Variants in PCDH9 observed in about 807,000 individuals in gnomAD.
PCDH9 encodes protocadherin 9, also known as protocadherin-9.
PCDH9 carries 24 observed loss-of-function variants against 70.6 expected under a neutral mutation model. That is an observed-to-expected ratio of 0.34 (90% confidence interval 0.25 to 0.48). The LOEUF is 0.48. Among genes scored for constraint, PCDH9 ranks in the 20% least tolerant of loss-of-function variants. The pLI, the probability that PCDH9 is intolerant of heterozygous loss-of-function variation, is 0.99. For missense variants in PCDH9, 1,281 were observed against 1,503.6 expected (o/e 0.85, Z 2.45); for synonymous variants, 562 against 558.5 (o/e 1.01, Z -0.09).
chr13:66,729,424 A>G (rs551147581), intron 3 of PCDH9, among the ~76,000 whole-genome samples: 1 of 152,146 alleles, frequency 6.6e-6, no homozygotes, highest in East Asian at 1.9e-4. Context: ...AAAAATTCAT[A>G]TATTTTGCTT....
intron 4 of PCDH9, among the ~76,000 whole-genome samples, chr13:66,597,366 C>A (rs566873601): frequency 6.6e-6 from 1 of 151,814 alleles, no homozygotes; most frequent in Non-Finnish European, 1.5e-5. Flanking sequence ...CAGGATGGTA[C>A]TGGCATAAAG....
chr13:66,587,291 C>T (rs2076975785), intron 4 of PCDH9, among the ~76,000 whole-genome samples: 1 of 151,866 alleles, frequency 6.6e-6, no homozygotes, highest in Non-Finnish European at 1.5e-5. Context: ...GAGTGAGACC[C>T]TGTCTCAAAC....
At chr13:66,503,008 A>G (rs1289752733) in intron 4 of PCDH9, among the ~76,000 whole-genome samples, 1 of 152,184 alleles carries the variant, frequency 6.6e-6, no homozygotes, top group African/African-American at 2.4e-5. Flanking sequence ...ATTCTTTGTA[A>G]AATACACCTT....
At chr13:66,432,972 A>G (rs1459077048) in intron 4 of PCDH9, among the ~76,000 whole-genome samples, 1 of 151,954 alleles carries the variant, frequency 6.6e-6, no homozygotes, top group Non-Finnish European at 1.5e-5. Context: ...TTAATTTGCT[A>G]TGAGGAAGTA....
At chr13:66,358,783 T>C (rs1053142047) in intron 4 of PCDH9, among the ~76,000 whole-genome samples, 3 of 152,028 alleles carry the variant, frequency 2.0e-5, no homozygotes, top group Non-Finnish European at 2.9e-5. Context: ...TGTGCTGTTT[T>C]TCATATGAGG....
At chr13:67,151,474 T>C (rs1019105183) in intron 2 of PCDH9, among the ~76,000 whole-genome samples, 15 of 152,096 alleles carry the variant, frequency 9.9e-5, no homozygotes, top group Non-Finnish European at 4.4e-5. Flanking sequence ...ACTGGTAAAC[T>C]CAGAGCTCCT....
intron 4 of PCDH9, among the ~76,000 whole-genome samples, chr13:66,506,190 A>G (rs928576585): frequency 1.3e-5 from 2 of 152,194 alleles, no homozygotes; most frequent in Non-Finnish European, 2.9e-5. Context: ...CTGTGAAGCA[A>G]ATAAATAATG....
At chr13:67,219,438 TCTC>T (rs753948274) in intron 2 of PCDH9, 21 of 152,172 alleles carry the variant, frequency 1.4e-4, no homozygotes, top group Admixed American at 2.0e-4. Context: ...ACAGAGTACA[TCTC>T]CTTATGTACA....
At chr13:66,362,790 C>A (rs192891014) in intron 4 of PCDH9, among the ~76,000 whole-genome samples, 4 of 152,240 alleles carry the variant, frequency 2.6e-5, no homozygotes, top group African/African-American at 9.6e-5. Context: ...ATAAAAGGAT[C>A]ATTATATCAG....
chr13:66,869,894 G>A (rs1003059530), intron 3 of PCDH9, among the ~76,000 whole-genome samples: 1 of 152,094 alleles, frequency 6.6e-6, no homozygotes, highest in Non-Finnish European at 1.5e-5. Context: ...GAGAAGTGAA[G>A]GTAAGAATGA....
chr13:66,424,049 C>T (rs1566314544), intron 4 of PCDH9, among the ~76,000 whole-genome samples: 2 of 152,052 alleles, frequency 1.3e-5, no homozygotes, highest in African/African-American at 4.8e-5. Flanking sequence ...AACAGAGAGC[C>T]AAATCATGAG....
chr13:66,683,950 C>T (rs993497343), intron 3 of PCDH9, among the ~76,000 whole-genome samples: 4 of 152,150 alleles, frequency 2.6e-5, no homozygotes, highest in Non-Finnish European at 5.9e-5. Context: ...CAATATTGTT[C>T]TGTATAGTAC....
rs1161867270 is a variant in PCDH9, at chr13:66,878,848, A to C, written c.3138+24656T>G. Among the ~76,000 whole-genome samples the C allele has an allele frequency of 5.3e-5, 8 of 152,356 alleles. No homozygotes were observed. The South Asian group carries it at 8.3e-4, about 16-fold the overall frequency. ...TCAGAAGGTAAAGGATGTGGTATAG[A>C]ACAAGCAAGAACACTGGAAAGATAG... On this transcript the variant is annotated intron_variant, in intron 3 of 4. Coordinates refer to ENST00000377865, the MANE Select transcript of PCDH9 (RefSeq NM_203487.3).
Position 66,932,356 on chromosome 13 carries a change from G to A in PCDH9, c.3037-28751C>T, listed in dbSNP as rs565762539. 6.5e-4 allele frequency among the ~76,000 whole-genome samples: 99 copies of A among 152,082 alleles called. No homozygotes were observed. The South Asian group carries it at 7.7e-3, about 12-fold the overall frequency. On this transcript the variant is annotated intron_variant, in intron 2 of 4. Coordinates refer to ENST00000377865, the MANE Select transcript of PCDH9 (RefSeq NM_203487.3). ...CAGCCATAAATCACTTTGAAGAAAC[G>A]AACTCGTGGAGTCCTCCATAATTCT...
intron 3 of PCDH9, among the ~76,000 whole-genome samples, chr13:66,788,591 T>C (rs1034758339): frequency 4.0e-5 from 6 of 151,786 alleles, no homozygotes. Flanking sequence ...ACTTCCACTC[T>C]GAATTTCAGG....
At chr13:66,515,629 A>T (rs1464164937) in intron 4 of PCDH9, among the ~76,000 whole-genome samples, 2 of 152,010 alleles carry the variant, frequency 1.3e-5, no homozygotes, top group Non-Finnish European at 2.9e-5. Flanking sequence ...TGCTAGGTCC[A>T]TGTAGTATGC....
At chr13:66,564,536 A>G (rs2076624418) in intron 4 of PCDH9, among the ~76,000 whole-genome samples, 1 of 152,160 alleles carries the variant, frequency 6.6e-6, no homozygotes, top group Non-Finnish European at 1.5e-5. Flanking sequence ...GACAGCTGAT[A>G]ACAGAGAAAT....
At chr13:67,101,926 T>C (rs1048088595) in intron 2 of PCDH9, among the ~76,000 whole-genome samples, 1 of 152,114 alleles carries the variant, frequency 6.6e-6, no homozygotes, top group Non-Finnish European at 1.5e-5. Flanking sequence ...ACCAACGCTG[T>C]TGAGTAATTG....
At chr13:67,009,958 A>G (rs947635681) in intron 2 of PCDH9, among the ~76,000 whole-genome samples, 1 of 152,056 alleles carries the variant, frequency 6.6e-6, no homozygotes, top group Admixed American at 6.6e-5. Flanking sequence ...CTGTCTCTAA[A>G]GAGTCCAAAT....
Sources: gnomAD v4.1 joint callset for allele counts (sites outside exome capture counted in the v4.1 genomes callset) on GRCh38, gnomAD v4.1.1 for gene constraint, MANE v1.5 for transcripts, NCBI Gene and HGNC (gene_info 2026-07-23, HGNC 2026-07-21) for gene names.